Variants in ZNF407 observed in about 807,000 individuals in gnomAD.
ZNF407 encodes the protein zinc finger protein 407.
In ZNF407, 17 loss-of-function variants were observed where a neutral mutation model predicts 131.2. The observed-to-expected ratio is 0.13, with a 90% CI of 0.09 to 0.19. The LOEUF (loss-of-function observed/expected upper bound fraction) is 0.19. ZNF407 is among the 10% of genes least tolerant of loss of function. The pLI is 1.00. For synonymous variants in ZNF407, 1,156 were observed against 1,062.0 expected, an observed-to-expected ratio of 1.09 and a Z score of -1.72; for missense variants, 2,681 against 2,830.6, an observed-to-expected ratio of 0.95 and a Z score of 1.20.
intron 3 of ZNF407, among the ~76,000 whole-genome samples, chr18:74,669,295 C>T (rs577391754): frequency 2.6e-4 from 40 of 152,310 alleles, no homozygotes; most frequent in Admixed American, 1.3e-3. Context: ...GGGGCCTTCC[C>T]ATGGGGCCTT....
intron 8 of ZNF407, among the ~76,000 whole-genome samples, chr18:75,044,021 C>T (rs1447378076): frequency 2.0e-5 from 3 of 152,046 alleles, no homozygotes; most frequent in South Asian, 2.1e-4. Context: ...CTATATGTTT[C>T]TGTAAAAAAG....
At chr18:74,784,151 C>T (rs1969661204) in intron 4 of ZNF407, among the ~76,000 whole-genome samples, 1 of 152,156 alleles carries the variant, frequency 6.6e-6, no homozygotes, top group Non-Finnish European at 1.5e-5. Flanking sequence ...AAATATTTTT[C>T]TTACCTATTT....
intron 1 of ZNF407, among the ~76,000 whole-genome samples, chr18:74,608,358 T>G (rs1046691720): frequency 2.6e-5 from 4 of 151,988 alleles, no homozygotes; most frequent in African/African-American, 9.7e-5. Context: ...TAGATTTCTT[T>G]TTTTTTTGGA....
chr18:74,661,818 C>T (rs1372813663), intron 3 of ZNF407, among the ~76,000 whole-genome samples: 1 of 152,196 alleles, frequency 6.6e-6, no homozygotes, highest in Non-Finnish European at 1.5e-5. Context: ...GATCTCTTTA[C>T]TCCTCATGCT....
At chr18:74,955,188 G>T (rs1309567443) in intron 8 of ZNF407, among the ~76,000 whole-genome samples, 4 of 151,982 alleles carry the variant, frequency 2.6e-5, no homozygotes, top group Admixed American at 6.6e-5. Flanking sequence ...CAGAAGTTGT[G>T]GGGACCGCAA....
At chr18:74,846,497 G>A (rs564429046) in intron 4 of ZNF407, among the ~76,000 whole-genome samples, 2 of 151,316 alleles carry the variant, frequency 1.3e-5, no homozygotes, top group African/African-American at 2.4e-5. Flanking sequence ...ATGCCACCAC[G>A]CCCAGCTAAT....
intron 3 of ZNF407, among the ~76,000 whole-genome samples, chr18:74,779,110 T>TATATATATATATATATATA (rs1555687155): frequency 8.0e-5 from 1 of 12,478 alleles, no homozygotes; most frequent in Non-Finnish European, 1.4e-4. Flanking sequence ...TATATATATA[T>TATATATATATATATATATA]TTTTTTTTTT....
At chr18:74,843,154 A>G (rs1390167204) in intron 4 of ZNF407, among the ~76,000 whole-genome samples, 1 of 152,158 alleles carries the variant, frequency 6.6e-6, no homozygotes, top group Non-Finnish European at 1.5e-5. Context: ...GAATGAGTAT[A>G]TTGGGCATAT....
intron 8 of ZNF407, among the ~76,000 whole-genome samples, chr18:75,039,608 C>T (rs1973348962): frequency 6.6e-6 from 1 of 152,044 alleles, no homozygotes; most frequent in Admixed American, 6.6e-5. Context: ...CCTGCATTTG[C>T]AGCTGTCAAA....
At position 74,622,444 on chromosome 18, in the gene ZNF407, C is replaced by T. The variant is rs147894258; in HGVS notation, c.-53-8523C>T. Among the ~76,000 whole-genome samples, 89 of 152,302 alleles carry T rather than the reference C, an allele frequency of 5.8e-4. No individual in the cohort carries two copies. In the East Asian group the frequency reaches 0.014, roughly 23 times the overall value. ...GCCCTGCCTGTCCGGCCTTGCCCTG[C>T]GAGGAGCAGGGAATCCAGTTCTGCT... is the stretch of plus-strand genomic sequence containing the variant. On this transcript the variant is annotated intron_variant, in intron 1 of 8. Coordinates refer to ENST00000299687, the MANE Select transcript of ZNF407 (RefSeq NM_017757.3).
chr18:74,871,403 A>C (rs1971084967), intron 4 of ZNF407, among the ~76,000 whole-genome samples: 1 of 152,218 alleles, frequency 6.6e-6, no homozygotes, highest in Non-Finnish European at 1.5e-5. Context: ...AGAAATTGTT[A>C]TAAACTTCGT....
intron 7 of ZNF407, among the ~76,000 whole-genome samples, chr18:74,919,400 A>C (rs1414916062): frequency 6.6e-6 from 1 of 152,214 alleles, no homozygotes; most frequent in Non-Finnish European, 1.5e-5. Flanking sequence ...AGAGCCTTCA[A>C]GATTCTGCAG....
At chr18:74,935,668 G>A (rs1437615759) in intron 8 of ZNF407, among the ~76,000 whole-genome samples, 1 of 152,194 alleles carries the variant, frequency 6.6e-6, no homozygotes, top group Non-Finnish European at 1.5e-5. Flanking sequence ...AAGGGGGAGG[G>A]TACTTGGTTT....
chr18:74,937,887 G>C (rs533812095), intron 8 of ZNF407, among the ~76,000 whole-genome samples: 4 of 152,144 alleles, frequency 2.6e-5, no homozygotes, highest in African/African-American at 4.8e-5. Context: ...ATATTTTTCT[G>C]CTCCTAAATA....
intron 3 of ZNF407, among the ~76,000 whole-genome samples, chr18:74,710,181 T>G (rs577845780): frequency 6.6e-6 from 1 of 152,334 alleles, no homozygotes; most frequent in South Asian, 2.1e-4. Flanking sequence ...TTCATGATTT[T>G]TGCACATTAC....
intron 3 of ZNF407, among the ~76,000 whole-genome samples, chr18:74,660,027 T>C (rs149901911): frequency 1.3e-5 from 2 of 152,280 alleles, no homozygotes; most frequent in African/African-American, 4.8e-5. Flanking sequence ...TTCTGCATAT[T>C]TGAATTATTA....
intron 1 of ZNF407, among the ~76,000 whole-genome samples, chr18:74,618,802 A>G (rs1983413492): frequency 6.6e-6 from 1 of 152,334 alleles, no homozygotes; most frequent in South Asian, 2.1e-4. Context: ...ACTTGGATAG[A>G]ACTATATCCA....
chr18:75,043,829 G>A (rs1973401480), intron 8 of ZNF407, among the ~76,000 whole-genome samples: 1 of 152,148 alleles, frequency 6.6e-6, no homozygotes, highest in Non-Finnish European at 1.5e-5. Flanking sequence ...ACAACACCAT[G>A]GTCCAACTGA....
At position 75,064,220 on chromosome 18, in the gene ZNF407, A is replaced by G. The variant is rs376817526; in HGVS notation, c.6499A>G (p.Thr2167Ala). ...GTCCAGTGGCGGCTTCTCCGAGGGC[A>G]CCACGCACTACATCCTGACAGAGCT... Reference protein sequence around the residue: ...QESSGGFSEGTTHYILTELPP... With the variant: ...QESSGGFSEGATHYILTELPP... The change falls in exon 9 of 9, where the codon ACC becomes GCC. Residue 2167 changes from threonine (T) to alanine (A), a missense_variant. Thr to Ala is a moderately conservative substitution (Grantham distance 58, BLOSUM62 0). Transcript: ENST00000299687. 5.6e-6 allele frequency: 9 copies of G among 1,606,478 alleles called. No homozygotes were observed. The highest frequency in any genetic ancestry group is 7.6e-6 in the Non-Finnish European group (9 of 1,178,082).
Sources: gnomAD v4.1 joint callset for allele counts (sites outside exome capture counted in the v4.1 genomes callset) on GRCh38, gnomAD v4.1.1 for gene constraint, MANE v1.5 for transcripts, NCBI Gene and HGNC (gene_info 2026-07-23, HGNC 2026-07-21) for gene names.